ACOT1: variants seen among roughly 807,000 people sequenced by gnomAD.
ACOT1 encodes acyl-CoA thioesterase 1, also known as acyl-coenzyme A thioesterase 1.
Under a neutral mutation model 15.7 loss-of-function variants are expected in ACOT1, and 8 were observed. The observed-to-expected ratio is 0.51, with a 90% CI of 0.30 to 0.92. ACOT1 has a LOEUF of 0.92. Among genes scored for constraint, ACOT1 ranks in the 40% least tolerant of loss-of-function variants. The pLI, the probability that ACOT1 is intolerant of heterozygous loss-of-function variation, is 0.06. For synonymous variants in ACOT1, 67 were observed against 241.2 expected, an observed-to-expected ratio of 0.28 and a Z score of 6.69; for missense variants, 151 against 539.4, an observed-to-expected ratio of 0.28 and a Z score of 7.13.
At chr14:73,519,266 A>C in the ACOT1 span, 1 of 1,204,278 alleles carries the variant, frequency 8.3e-7, no homozygotes, top group African/African-American at 1.5e-5. Flanking sequence ...TTTTGCCCTA[A>C]TCTAAGCCCC....
At chr14:73,509,391 C>T in the ACOT1 span, 1 of 1,613,978 alleles carries the variant, frequency 6.2e-7, no homozygotes, top group Non-Finnish European at 8.5e-7. Flanking sequence ...TTGCTGCTGC[C>T]ATCCGCACAT....
the ACOT1 span, chr14:73,502,952 G>T: frequency 6.2e-7 from 1 of 1,613,898 alleles, no homozygotes; most frequent in South Asian, 1.1e-5. Context: ...CTGTGCAGCT[G>T]CTCTCCTCAC....
At chr14:73,526,694 A>C in the ACOT1 span, among the ~76,000 whole-genome samples, 1 of 152,236 alleles carries the variant, frequency 6.6e-6, no homozygotes, top group Admixed American at 6.5e-5. Context: ...CTGCGCCAGA[A>C]GGGAATCCAC....
At chr14:73,519,076 TTAGA>T in the ACOT1 span, 1 of 1,614,104 alleles carries the variant, frequency 6.2e-7, no homozygotes, top group Non-Finnish European at 8.5e-7. Context: ...AGGGAAGACC[TTAGA>T]TAGCTGCTTG....
chr14:73,519,574 G>A, the ACOT1 span, among the ~76,000 whole-genome samples: 1 of 151,800 alleles, frequency 6.6e-6, no homozygotes, highest in Non-Finnish European at 1.5e-5. Flanking sequence ...TAAGACCCCC[G>A]TCTCTACAAA....
At chr14:73,524,310 A>AAAAAAAAAAATATATAT in the ACOT1 span, among the ~76,000 whole-genome samples, 4 of 54,778 alleles carry the variant, frequency 7.3e-5, no homozygotes, top group African/African-American at 3.5e-4. Context: ...AAAAAAAAAA[A>AAAAAAAAAAATATATAT]ATATATATAT....
the ACOT1 span, among the ~76,000 whole-genome samples, chr14:73,499,874 C>T: frequency 6.6e-6 from 1 of 152,120 alleles, no homozygotes; most frequent in African/African-American, 2.4e-5. Flanking sequence ...CCAAGCTTGT[C>T]CAACATGTGG....
At chr14:73,524,601 G>C in the ACOT1 span, among the ~76,000 whole-genome samples, 1 of 150,318 alleles carries the variant, frequency 6.7e-6, no homozygotes, top group South Asian at 2.1e-4. Context: ...CTGAGGTTCA[G>C]AGAGGTAGGT....
the ACOT1 span, chr14:73,507,991 C>G: frequency 2.8e-6 from 2 of 724,938 alleles, no homozygotes; most frequent in Non-Finnish European, 4.7e-6. Context: ...AGTGATCCAC[C>G]TGCCTCGGCC....
chr14:73,524,310 A>AAAAAAAAAAATATATATATATAT, the ACOT1 span, among the ~76,000 whole-genome samples: 5 of 54,776 alleles, frequency 9.1e-5, no homozygotes, highest in Admixed American at 2.8e-4. Flanking sequence ...AAAAAAAAAA[A>AAAAAAAAAAATATATATATATAT]ATATATATAT....
At chr14:73,510,372 A>C in the ACOT1 span, among the ~76,000 whole-genome samples, 1 of 151,972 alleles carries the variant, frequency 6.6e-6, no homozygotes, top group African/African-American at 2.4e-5. Context: ...ATGGGACAGG[A>C]GCATAGTTTG....
chr14:73,542,150 T>C (rs187392221), intron 2 of ACOT1, among the ~76,000 whole-genome samples: 1 of 90,292 alleles, frequency 1.1e-5, no homozygotes, highest in African/African-American at 3.2e-5. Context: ...CCACTATGCC[T>C]AGCCTAATTT....
At chr14:73,533,813 C>G (rs1308650120), upstream of ACOT1, among the ~76,000 whole-genome samples, 2 of 103,670 alleles carry the variant, frequency 1.9e-5, 1 homozygote, top group Admixed American at 2.3e-4. Context: ...TTTGAGAGGC[C>G]AAGGCAGGAT....
chr14:73,524,116 T>C, the ACOT1 span, among the ~76,000 whole-genome samples: 1 of 150,984 alleles, frequency 6.6e-6, no homozygotes, highest in Non-Finnish European at 1.5e-5. Context: ...CATGGTGAAA[T>C]CCCATCTCTA....
the ACOT1 span, chr14:73,506,620 T>TA: frequency 7.3e-7 from 1 of 1,376,516 alleles, no homozygotes; most frequent in African/African-American, 1.4e-5. Context: ...CTTTTAGAGA[T>TA]ACTAGAACCT....
At chr14:73,519,147 G>A in the ACOT1 span, 3 of 1,613,010 alleles carry the variant, frequency 1.9e-6, no homozygotes, top group Non-Finnish European at 2.5e-6. Context: ...CAATCTGGTG[G>A]ATGATCTGGA....
At chr14:73,493,198 A>G in the ACOT1 span, 7 of 1,196,142 alleles carry the variant, frequency 5.9e-6, no homozygotes, top group African/African-American at 1.5e-5. Flanking sequence ...CAGAGCACCA[A>G]CTTCATCACC....
the ACOT1 span, chr14:73,500,753 C>T: frequency 3.3e-5 from 53 of 1,605,278 alleles, 1 homozygote; most frequent in South Asian, 5.4e-4. Flanking sequence ...AGTTGCTTTC[C>T]TTTCACCTCC....
At chr14:73,508,243 G>A in the ACOT1 span, 5 of 1,613,988 alleles carry the variant, frequency 3.1e-6, no homozygotes, top group South Asian at 2.2e-5. Context: ...GTAAGTAGCA[G>A]TACCTTCCAG....
Sources: allele counts gnomAD v4.1 joint callset (sites outside exome capture counted in the v4.1 genomes callset), GRCh38; gene constraint gnomAD v4.1.1; transcripts MANE v1.5; gene names NCBI Gene and HGNC (gene_info 2026-07-23, HGNC 2026-07-21).